The following CDH13 variants were observed in gnomAD, a reference collection of about 807,000 sequenced individuals.
CDH13 encodes the protein cadherin-13.
Under a neutral mutation model 63.8 loss-of-function variants are expected in CDH13, and 24 were observed. The ratio of observed to expected loss-of-function variants is 0.38; its 90% CI spans 0.27 to 0.53. The LOEUF is 0.53. Ranked by LOEUF, CDH13 falls within the 20% of genes least tolerant of loss-of-function variation. The pLI, the probability that CDH13 is intolerant of heterozygous loss-of-function variation, is 0.85. For synonymous variants in CDH13, 503 were observed against 355.3 expected, an observed-to-expected ratio of 1.42 and a Z score of -4.67; for missense variants, 1,049 against 903.1, an observed-to-expected ratio of 1.16 and a Z score of -2.07.
chr16:83,456,258 GGT>G (rs2073022171), intron 6 of CDH13, among the ~76,000 whole-genome samples: 1 of 152,244 alleles, frequency 6.6e-6, no homozygotes. Flanking sequence ...GGCAGTTACA[GGT>G]GTCTCTGAAC....
At chr16:83,449,543 G>T (rs1395358833) in intron 6 of CDH13, among the ~76,000 whole-genome samples, 4 of 152,178 alleles carry the variant, frequency 2.6e-5, no homozygotes, top group African/African-American at 9.7e-5. Flanking sequence ...GTCACTCTGA[G>T]CCTGGATTTC....
At chr16:83,610,291 A>C (rs1449372917) in intron 8 of CDH13, among the ~76,000 whole-genome samples, 1 of 152,202 alleles carries the variant, frequency 6.6e-6, no homozygotes, top group Non-Finnish European at 1.5e-5. Context: ...GTAATTCCTC[A>C]GTTGTTTTAT....
intron 3 of CDH13, among the ~76,000 whole-genome samples, chr16:83,042,131 T>A (rs919299151): frequency 1.3e-5 from 2 of 152,234 alleles, no homozygotes; most frequent in African/African-American, 4.8e-5. Context: ...TGCAGACATG[T>A]GACTTTACTT....
chr16:83,390,991 G>A (rs1567638658), intron 6 of CDH13, among the ~76,000 whole-genome samples: 1 of 152,088 alleles, frequency 6.6e-6, no homozygotes, highest in Non-Finnish European at 1.5e-5. Flanking sequence ...GCTTTCAGAG[G>A]ATTTAATTGC....
chr16:83,487,516 C>T (rs570974687), intron 7 of CDH13, among the ~76,000 whole-genome samples: 6 of 152,268 alleles, frequency 3.9e-5, no homozygotes, highest in African/African-American at 1.4e-4. Context: ...CTGCCCTTTC[C>T]TGAGTTTGAG....
intron 10 of CDH13, among the ~76,000 whole-genome samples, chr16:83,711,654 T>C (rs1908072428): frequency 6.6e-6 from 1 of 152,210 alleles, no homozygotes; most frequent in Admixed American, 6.5e-5. Context: ...TAGCTGGGAT[T>C]ACGTGTGCAT....
At chr16:83,257,218 A>T (rs1906401906) in intron 5 of CDH13, among the ~76,000 whole-genome samples, 1 of 151,658 alleles carries the variant, frequency 6.6e-6, no homozygotes. Flanking sequence ...TTCATGGACA[A>T]AGAGACAGAA....
chr16:83,716,444 C>G (rs1415522181), intron 10 of CDH13, among the ~76,000 whole-genome samples: 2 of 152,140 alleles, frequency 1.3e-5, no homozygotes, highest in African/African-American at 4.8e-5. Flanking sequence ...TCCCGCCAAC[C>G]CTTGCCAGTC....
intron 10 of CDH13, among the ~76,000 whole-genome samples, 163 bp downstream of exon 10, chr16:83,678,624 G>A (rs757101312): frequency 1.3e-5 from 2 of 152,156 alleles, no homozygotes; most frequent in Non-Finnish European, 1.5e-5. Flanking sequence ...TGTGGCTGAC[G>A]GCTGCAGAGG....
chr16:83,246,336 G>A (rs758021043), intron 5 of CDH13, among the ~76,000 whole-genome samples: 1 of 151,970 alleles, frequency 6.6e-6, no homozygotes, highest in Non-Finnish European at 1.5e-5. Flanking sequence ...ATTCAGGGGG[G>A]GTCTGTGATT....
intron 5 of CDH13, among the ~76,000 whole-genome samples, chr16:83,299,292 G>GAAAAAA (rs11308841): frequency 7.0e-6 from 1 of 143,282 alleles, no homozygotes; most frequent in Non-Finnish European, 1.5e-5. Context: ...ATCAGGCCAT[G>GAAAAAA]AAAAAAAAAA....
chr16:83,145,524 G>C (rs2036711161), intron 4 of CDH13, among the ~76,000 whole-genome samples: 1 of 152,208 alleles, frequency 6.6e-6, no homozygotes, highest in African/African-American at 2.4e-5. Context: ...TTGTTCAGCA[G>C]ACACCAAGGA....
intron 7 of CDH13, among the ~76,000 whole-genome samples, chr16:83,505,565 G>A (rs1242082878): frequency 2.1e-5 from 3 of 142,542 alleles, no homozygotes; most frequent in African/African-American, 8.0e-5. Flanking sequence ...TTTTTGAGAA[G>A]GAGTTTTTGC....
intron 1 of CDH13, among the ~76,000 whole-genome samples, chr16:82,638,636 G>T (rs1263895003): frequency 6.6e-6 from 1 of 152,046 alleles, no homozygotes; most frequent in African/African-American, 2.4e-5. Context: ...ATGTCATAAT[G>T]CGTGGACATT....
intron 2 of CDH13, among the ~76,000 whole-genome samples, chr16:82,987,381 G>C (rs570868335): frequency 3.8e-4 from 58 of 152,118 alleles, no homozygotes; most frequent in African/African-American, 1.4e-3. Flanking sequence ...TTGTTTGTTT[G>C]TTTTTGAGAC....
At chr16:82,756,988 C>T (rs899523707) in intron 1 of CDH13, among the ~76,000 whole-genome samples, 33 of 152,250 alleles carry the variant, frequency 2.2e-4, no homozygotes, top group Admixed American at 8.5e-4. Context: ...TCTTTGTTGA[C>T]GACTGACCTT....
chr16:83,088,984 T>G (rs1303817050), intron 3 of CDH13, among the ~76,000 whole-genome samples: 1 of 152,222 alleles, frequency 6.6e-6, no homozygotes, highest in African/African-American at 2.4e-5. Flanking sequence ...AAGGGCAGAA[T>G]TGAGTAGTTG....
chr16:82,934,382 C>A (rs1442434069), intron 2 of CDH13, among the ~76,000 whole-genome samples: 2 of 152,178 alleles, frequency 1.3e-5, no homozygotes, highest in East Asian at 3.9e-4. Context: ...AGTCCTTAGG[C>A]TGCACACAGC....
At chr16:83,021,521 A>G (rs577306504) in intron 2 of CDH13, among the ~76,000 whole-genome samples, 1 of 152,326 alleles carries the variant, frequency 6.6e-6, no homozygotes, top group African/African-American at 2.4e-5. Context: ...CTGAAAGCAG[A>G]TGTGGCCTCT....
Sources: gnomAD v4.1 joint callset for allele counts (sites outside exome capture counted in the v4.1 genomes callset) on GRCh38, gnomAD v4.1.1 for gene constraint, MANE v1.5 for transcripts, NCBI Gene and HGNC (gene_info 2026-07-23, HGNC 2026-07-21) for gene names.